The following RFFL variants were observed in gnomAD, a reference collection of about 807,000 sequenced individuals.
RFFL encodes the protein ring finger and FYVE like domain containing E3 ubiquitin protein ligase, also known as E3 ubiquitin-protein ligase rififylin.
RFFL carries 16 observed loss-of-function variants against 40.4 expected under a neutral mutation model. The ratio of observed to expected loss-of-function variants is 0.40; its 90% confidence interval spans 0.27 to 0.60. The LOEUF is 0.60. Among genes scored for constraint, RFFL ranks in the 20% least tolerant of loss-of-function variants. RFFL has a pLI of 0.47. For synonymous variants in RFFL, 154 were observed against 167.9 expected (o/e 0.92, Z 0.64); for missense variants, 367 against 451.7 (o/e 0.81, Z 1.70).
intron 1 of RFFL, among the ~76,000 whole-genome samples, chr17:35,059,454 T>C (rs1180282430): frequency 1.3e-5 from 2 of 152,130 alleles, no homozygotes; most frequent in African/African-American, 2.4e-5. Flanking sequence ...ATCAGCATCA[T>C]ATGGGACAAA....
chr17:35,049,093 A>G (rs2091216956), intron 1 of RFFL, among the ~76,000 whole-genome samples: 1 of 152,192 alleles, frequency 6.6e-6, no homozygotes, highest in African/African-American at 2.4e-5. Context: ...CCACAACAAA[A>G]TGCAAAATGC....
intron 1 of RFFL, among the ~76,000 whole-genome samples, chr17:35,081,817 A>G (rs2091404235): frequency 6.6e-6 from 1 of 152,232 alleles, no homozygotes; most frequent in Non-Finnish European, 1.5e-5. Flanking sequence ...TTATGGCAGC[A>G]GCGCAGTGAA....
chr17:35,022,395 T>C (rs1021369559), intron 2 of RFFL, among the ~76,000 whole-genome samples: 10 of 152,198 alleles, frequency 6.6e-5, no homozygotes, highest in Non-Finnish European at 1.0e-4. Flanking sequence ...ATGGTGGTGG[T>C]GGTTGTTACA....
chr17:35,088,715 A>G (rs768569247), intron 1 of RFFL: 3 of 152,236 alleles, frequency 2.0e-5, no homozygotes, highest in Non-Finnish European at 2.9e-5. Flanking sequence ...TGGTTCCTTT[A>G]AAGGGGTAAG....
rs139896126 is a variant in RFFL, at chr17:35,021,524, A to G, written c.438T>C (p.Thr146=). The G allele has an allele frequency of 1.6e-3, 2,615 of 1,611,810 alleles. 9 individuals carry two copies. The highest frequency in any genetic ancestry group is 8.8e-3 in the Middle Eastern group (53 of 6,044). ...QQPVISQEDR[T]RASTLSPDFP... ...AGTCTGGGGACAAGGTGGAGGCACG[A>G]GTCCTGTCCTCCTGGGAGATTACAG... is the stretch of plus-strand genomic sequence containing the variant. Residue 146 remains threonine (T), a synonymous_variant, in exon 3 of 7, where the codon ACT becomes ACC. Transcript: ENST00000394597.
At chr17:35,088,119 C>T (rs544645555) in intron 1 of RFFL, among the ~76,000 whole-genome samples, 71 of 152,284 alleles carry the variant, frequency 4.7e-4, no homozygotes, top group Non-Finnish European at 8.5e-4. Context: ...GTCCTCCAAA[C>T]CAATAATCAA....
chr17:35,020,183 G>A (rs568276834), intron 3 of RFFL, among the ~76,000 whole-genome samples: 2 of 152,314 alleles, frequency 1.3e-5, no homozygotes, highest in East Asian at 3.9e-4. Flanking sequence ...CAAGAAGTCA[G>A]TGACAAAAGT....
rs930432096 is a variant in RFFL, at chr17:35,048,732, T to A, written c.-9+14844A>T. Among the ~76,000 whole-genome samples, 3 of 152,210 alleles carry A rather than the reference T, an allele frequency of 2.0e-5. No homozygotes were observed. In the East Asian group the frequency reaches 5.8e-4, roughly 29 times the overall value. On this transcript the variant is annotated intron_variant, in intron 1 of 6. Coordinates refer to ENST00000394597, the MANE Select transcript of RFFL (RefSeq NM_001017368.2). ...CTGCCAAATTCAAAGAATGAACGTA[T>A]GCCTCCGGCCTCCACCTGATGCACT...
intron 1 of RFFL, among the ~76,000 whole-genome samples, chr17:35,037,269 C>T (rs539490194): frequency 6.6e-6 from 1 of 152,346 alleles, no homozygotes; most frequent in Admixed American, 6.5e-5. Context: ...CCTACTGTCA[C>T]TAACGTATTT....
At chr17:35,063,306 T>G (rs746730323) in intron 1 of RFFL, among the ~76,000 whole-genome samples, 1 of 151,570 alleles carries the variant, frequency 6.6e-6, no homozygotes, top group Non-Finnish European at 1.5e-5. Flanking sequence ...AAATACAAAA[T>G]TAGCCGGGCA....
In RFFL at chr17:35,006,449, AGTAG is replaced by A. The variant is rs2090895918; in HGVS notation, c.*5515_*5518del. On this transcript the variant is annotated 3_prime_UTR_variant, in exon 7 of 7. Transcript: ENST00000394597. ...TAACATCTAAGCCTCAATCCCTCCA[AGTAG>A]AATGGGTGCACCTAAATCATAGGGT... The A allele has an allele frequency of 6.6e-6, 1 of 152,452 alleles. No individual in the cohort carries two copies. The highest frequency in any genetic ancestry group is 2.4e-5 in the African/African-American group (1 of 41,576). 9.4% of individuals were successfully genotyped at this position (152,452 alleles called of 1,614,324 possible). A position where few individuals can be genotyped will look rare whatever the true frequency, so the allele number is the denominator to read the frequency against.
chr17:35,067,850 A>G (rs1181423719), upstream of RFFL, among the ~76,000 whole-genome samples: 2 of 152,206 alleles, frequency 1.3e-5, no homozygotes, highest in African/African-American at 4.8e-5. Context: ...AAAATGAAAA[A>G]AAGTTTTTTC....
intron 1 of RFFL, among the ~76,000 whole-genome samples, chr17:35,032,081 C>A (rs371874824): frequency 7.3e-6 from 1 of 137,814 alleles, no homozygotes; most frequent in South Asian, 2.2e-4. Flanking sequence ...GGCGACAGAG[C>A]GAGACTCCGT....
At chr17:35,031,595 C>T (rs1459224223) in intron 1 of RFFL, among the ~76,000 whole-genome samples, 2 of 151,852 alleles carry the variant, frequency 1.3e-5, no homozygotes, top group African/African-American at 2.4e-5. Context: ...AGTGCTTTAA[C>T]GGAGGTTTGC....
chr17:35,060,390 ATATTT>A (rs1261909862), intron 1 of RFFL, among the ~76,000 whole-genome samples: 1 of 152,208 alleles, frequency 6.6e-6, no homozygotes, highest in East Asian at 1.9e-4. Context: ...CTGATAGAGT[ATATTT>A]AACTACTATA....
At chr17:35,084,700 G>A (rs2091420631) in intron 1 of RFFL, among the ~76,000 whole-genome samples, 1 of 151,164 alleles carries the variant, frequency 6.6e-6, no homozygotes, top group Non-Finnish European at 1.5e-5. Context: ...GATCAGCCTG[G>A]CCAATGTAGT....
intron 1 of RFFL, among the ~76,000 whole-genome samples, chr17:35,031,592 T>A (rs555309461): frequency 6.6e-6 from 1 of 152,060 alleles, no homozygotes; most frequent in South Asian, 2.1e-4. Context: ...ATCAGTGCTT[T>A]AACGGAGGTT....
upstream of RFFL, among the ~76,000 whole-genome samples, chr17:35,065,849 T>G (rs908328045): frequency 1.3e-5 from 2 of 152,212 alleles, no homozygotes; most frequent in African/African-American, 4.8e-5. Flanking sequence ...AAGGTACTCG[T>G]TTGAACTAGT....
At chr17:35,033,460 G>A (rs377452788) in intron 1 of RFFL, among the ~76,000 whole-genome samples, 3 of 151,858 alleles carry the variant, frequency 2.0e-5, no homozygotes, top group South Asian at 2.1e-4. Context: ...CCTGGGAGGT[G>A]GAAGTTGCAG....
Sources: gnomAD v4.1 joint callset for allele counts (sites outside exome capture counted in the v4.1 genomes callset) on GRCh38, gnomAD v4.1.1 for gene constraint, MANE v1.5 for transcripts, NCBI Gene and HGNC (gene_info 2026-07-23, HGNC 2026-07-21) for gene names.